The following NFIC variants were observed in gnomAD, a reference collection of about 807,000 sequenced individuals.
NFIC encodes nuclear factor I C, also known as nuclear factor 1 C-type.
A neutral mutation model predicts 54.4 loss-of-function variants in NFIC; 12 were observed. That is an observed-to-expected ratio of 0.22 (90% confidence interval 0.14 to 0.36). NFIC has a LOEUF of 0.36. Ranked by LOEUF, NFIC falls within the 10% of genes least tolerant of loss-of-function variation. The probability of loss-of-function intolerance (pLI) is 1.00; values close to 1 mark genes in which losing one functional copy is unlikely to be tolerated. For missense variants in NFIC, 575 were observed against 718.2 expected, an observed-to-expected ratio of 0.80 and a Z score of 2.28; for synonymous variants, 322 against 319.2, an observed-to-expected ratio of 1.01 and a Z score of -0.09.
chr19:3,365,305 G>A (rs1363871105), upstream of NFIC, among the ~76,000 whole-genome samples: 1 of 152,228 alleles, frequency 6.6e-6, no homozygotes, highest in East Asian at 1.9e-4. Flanking sequence ...TTCTAAGAAT[G>A]TGTCTTTAGT....
At position 3,450,300 on chromosome 19, in the gene NFIC, G is replaced by A. The variant is rs1010439120; in HGVS notation, c.1084+1161G>A. The stretch of plus-strand genomic sequence containing the variant: ...GCGGAGCTTGCAGTGAGCCAAGATC[G>A]TGCCAGTGCACTCCAGCCTGGGTGA... On this transcript the variant is annotated intron_variant, in intron 7 of 10. Transcript: ENST00000443272. Among the ~76,000 whole-genome samples, 221 of 151,410 alleles carry A rather than the reference G, an allele frequency of 1.5e-3. 1 individual carries two copies. The highest frequency in any genetic ancestry group is 6.8e-3 in the Middle Eastern group (2 of 294).
intron 2 of NFIC, among the ~76,000 whole-genome samples, chr19:3,387,968 CGGGCGGGCACCGTGCCAGGGCT>C: frequency 6.6e-6 from 1 of 152,196 alleles, no homozygotes; most frequent in South Asian, 2.1e-4. Context: ...ATCTGAGGCG[CGGGCGGGCACCGTGCCAGGGCT>C]GGGCGGGGGA....
rs116865554 is a variant in NFIC, at chr19:3,433,590, G to A, written c.707G>A (p.Arg236Gln). ...FSVTELIQVS[R>Q]TPVVTGTGPN... Reference sequence around the variant, plus strand: ...GTCACTGAGCTCATCCAAGTGTCCCGGAGTGAGTGTTCCCGTCAGCCCTGA... The same window carrying A: ...GTCACTGAGCTCATCCAAGTGTCCCAGAGTGAGTGTTCCCGTCAGCCCTGA... The change falls in exon 4 of 11, where the codon CGG becomes CAG. Residue 236 changes from arginine (R) to glutamine (Q), a missense_variant and splice_region_variant. Coordinates refer to ENST00000443272, the MANE Select transcript of NFIC (RefSeq NM_001245002.2). The A allele has an allele frequency of 1.5e-4, 239 of 1,613,730 alleles. 1 individual carries two copies. In the South Asian group the frequency reaches 2.2e-3, roughly 15 times the overall value.
intron 6 of NFIC, among the ~76,000 whole-genome samples, chr19:3,443,574 G>A (rs1415168668): frequency 6.6e-6 from 1 of 152,130 alleles, no homozygotes; most frequent in Non-Finnish European, 1.5e-5. Flanking sequence ...ATTTCAATGT[G>A]TGCAGCCTCC....
chr19:3,449,020 C>T lies in NFIC; in HGVS notation c.965C>T (p.Ser322Leu), dbSNP rs1376943418. Residue 322 changes from serine (S) to leucine (L), a missense_variant, in exon 7 of 11, where the codon TCG becomes TTG. Transcript: ENST00000443272. ...CGTCCCATCCCCTCCACAGGCATCT[C>T]GTCCCCGGTGAAGAAGACAGAGATG... The part of the protein sequence containing the change: ...NWTEDMEGGI[S>L]SPVKKTEMDK... The T allele has an allele frequency of 3.7e-6, 6 of 1,612,492 alleles. No individual in the cohort carries two copies. The highest frequency in any genetic ancestry group is 1.7e-5 in the Admixed American group (1 of 59,838).
chr19:3,374,508 T>C (rs2081072447), intron 1 of NFIC, among the ~76,000 whole-genome samples: 1 of 152,146 alleles, frequency 6.6e-6, no homozygotes, highest in Admixed American at 6.6e-5. Flanking sequence ...AAATAGACCT[T>C]ACTGTCACCC....
At chr19:3,421,133 C>T (rs2081948095) in intron 2 of NFIC, among the ~76,000 whole-genome samples, 1 of 152,226 alleles carries the variant, frequency 6.6e-6, no homozygotes, top group African/African-American at 2.4e-5. Context: ...CATCCGAGGC[C>T]CCGCTCCCTG....
chr19:3,452,009 C>G lies in NFIC; in HGVS notation c.1085-473C>G, dbSNP rs546961062. Reference sequence around the variant, plus strand: ...GCGTGCACTTGTAATCCCAGCTACTCGGGAGGCTGAGGCAGAATTGCTTGA... The same window carrying G: ...GCGTGCACTTGTAATCCCAGCTACTGGGGAGGCTGAGGCAGAATTGCTTGA... On this transcript the variant is annotated intron_variant, in intron 7 of 10. Transcript: ENST00000443272. The surrounding 1 kb of genome is among the most constrained non-coding windows in gnomAD (Gnocchi z 5.3). Among the ~76,000 whole-genome samples, 1 of 148,318 alleles carries G rather than the reference C, an allele frequency of 6.7e-6. No individual in the cohort carries two copies. The highest frequency in any genetic ancestry group is 6.9e-5 in the Admixed American group (1 of 14,576).
intron 2 of NFIC, among the ~76,000 whole-genome samples, chr19:3,400,310 C>A (rs1052185910): frequency 3.9e-5 from 6 of 151,974 alleles, no homozygotes; most frequent in South Asian, 2.1e-4. Context: ...CCCGTCTCTA[C>A]TAAAAATACA....
chr19:3,363,810 G>T (rs1028019952), upstream of NFIC, among the ~76,000 whole-genome samples: 2 of 152,220 alleles, frequency 1.3e-5, no homozygotes, highest in African/African-American at 4.8e-5. Context: ...CATGGAGTGG[G>T]TGGAGGCCAT....
chr19:3,421,494 C>T (rs1455750237), intron 2 of NFIC, among the ~76,000 whole-genome samples: 1 of 152,250 alleles, frequency 6.6e-6, no homozygotes, highest in Non-Finnish European at 1.5e-5. Context: ...TGGGGCCGAG[C>T]TGGGCACACT....
At position 3,465,879 on chromosome 19, in the gene NFIC, T is replaced by A. The variant is rs1046077651; in HGVS notation, c.*3110T>A. 1.8e-4 allele frequency: 27 copies of A among 151,422 alleles called. No individual in the cohort carries two copies. Among genetic ancestry groups the A allele is most frequent in the African/African-American group, 6.3e-4 (26 of 41,170 alleles). The allele number at this position is 151,422 out of a possible 1,614,324, so 9.4% of individuals were successfully genotyped here. A position where few individuals can be genotyped will look rare whatever the true frequency, so the allele number is the denominator to read the frequency against. ...CCACACCCACCTCAGAGGCACCCCC[T>A]CTCCCCTGCCCCGTGCATCCCCACC... On this transcript the variant is annotated 3_prime_UTR_variant, in exon 11 of 11. Transcript: ENST00000443272.
chr19:3,385,896 G>A (rs2081288960), intron 2 of NFIC, among the ~76,000 whole-genome samples: 2 of 150,670 alleles, frequency 1.3e-5, no homozygotes, highest in Admixed American at 6.6e-5. Context: ...TTGCAGAGAT[G>A]GGGTATCACT....
intron 2 of NFIC, among the ~76,000 whole-genome samples, chr19:3,396,621 C>T (rs2081468762): frequency 6.6e-6 from 1 of 152,114 alleles, no homozygotes; most frequent in African/African-American, 2.4e-5. Context: ...AGGGACACCA[C>T]GGCCGCTCGT....
intron 7 of NFIC, among the ~76,000 whole-genome samples, chr19:3,449,719 C>T (rs577991279): frequency 1.3e-5 from 2 of 148,406 alleles, no homozygotes; most frequent in African/African-American, 5.0e-5. Context: ...GAGATCACAC[C>T]ACTGCACTCC....
At chr19:3,364,997 T>G (rs2080862988), upstream of NFIC, among the ~76,000 whole-genome samples, 1 of 152,228 alleles carries the variant, frequency 6.6e-6, no homozygotes, top group South Asian at 2.1e-4. Context: ...CACACATTTA[T>G]GGACCGTTCG....
chr19:3,404,822 C>CCTGCAGGGGCCCTGT (rs1568425793), intron 2 of NFIC, among the ~76,000 whole-genome samples: 1 of 152,128 alleles, frequency 6.6e-6, no homozygotes, highest in African/African-American at 2.4e-5. Flanking sequence ...AGGGGCCCTG[C>CCTGCAGGGGCCCTGT]GGCCTCCAGG....
chr19:3,403,877 A>T (rs1046707018), intron 2 of NFIC, among the ~76,000 whole-genome samples: 7 of 150,218 alleles, frequency 4.7e-5, no homozygotes, highest in African/African-American at 1.5e-4. Flanking sequence ...ATTGGCAGAG[A>T]GTGTCCTCGG....
chr19:3,437,126 G>A (rs1004576980), intron 6 of NFIC, among the ~76,000 whole-genome samples: 6 of 152,068 alleles, frequency 3.9e-5, no homozygotes, highest in Non-Finnish European at 8.8e-5. Flanking sequence ...CCAGCACTTT[G>A]GGAGGCCGAG....
Sources: gnomAD v4.1 joint callset for allele counts (sites outside exome capture counted in the v4.1 genomes callset) on GRCh38, gnomAD v4.1.1 for gene constraint, Gnocchi (gnomAD v3.1) non-coding constraint, MANE v1.5 for transcripts, NCBI Gene and HGNC (gene_info 2026-07-23, HGNC 2026-07-21) for gene names.